MDGA2: variants seen among roughly 807,000 people sequenced by gnomAD.
MDGA2 encodes the protein MAM domain containing glycosylphosphatidylinositol anchor 2.
Under a neutral mutation model 117.8 loss-of-function variants are expected in MDGA2, and 40 were observed. That is an observed-to-expected ratio of 0.34 (90% CI 0.26 to 0.44). The LOEUF is 0.44. Ranked by LOEUF, MDGA2 falls within the 20% of genes least tolerant of loss-of-function variation. MDGA2 has a pLI of 1.00. For synonymous variants in MDGA2, 452 were observed against 439.0 expected (o/e 1.03, Z -0.37); for missense variants, 1,123 against 1,250.6 (o/e 0.90, Z 1.54).
At chr14:47,130,209 G>A (rs1401873429) in intron 5 of MDGA2, among the ~76,000 whole-genome samples, 1 of 151,838 alleles carries the variant, frequency 6.6e-6, no homozygotes, top group East Asian at 1.9e-4. Flanking sequence ...TTTCTTCTAG[G>A]GTTTTTATGG....
At chr14:47,642,986 A>G (rs1897457470) in intron 1 of MDGA2, among the ~76,000 whole-genome samples, 1 of 152,094 alleles carries the variant, frequency 6.6e-6, no homozygotes, top group Non-Finnish European at 1.5e-5. Context: ...AAGGATAACA[A>G]CAGAGTATTT....
intron 1 of MDGA2, among the ~76,000 whole-genome samples, chr14:47,481,315 G>C (rs1283468401): frequency 1.3e-5 from 2 of 152,000 alleles, no homozygotes; most frequent in Non-Finnish European, 2.9e-5. Context: ...TAGACTATCA[G>C]AGTTTTGTTT....
intron 14 of MDGA2, among the ~76,000 whole-genome samples, chr14:46,869,942 G>A (rs1034649516): frequency 6.6e-6 from 1 of 151,862 alleles, no homozygotes; most frequent in Non-Finnish European, 1.5e-5. Flanking sequence ...AATCAAGCAA[G>A]TGGGCTTGGA....
intron 1 of MDGA2, among the ~76,000 whole-genome samples, chr14:47,423,303 AC>A (rs1234838488): frequency 6.6e-6 from 1 of 152,200 alleles, no homozygotes; most frequent in African/African-American, 2.4e-5. Flanking sequence ...CTGTGAGTTA[AC>A]TTTTTTCCTC....
At chr14:47,186,912 T>C (rs1332274827) in intron 3 of MDGA2, among the ~76,000 whole-genome samples, 1 of 152,008 alleles carries the variant, frequency 6.6e-6, no homozygotes, top group African/African-American at 2.4e-5. Context: ...CTTGTTTTGC[T>C]ATGAGTTTAT....
chr14:47,125,076 A>G (rs1881832901), intron 5 of MDGA2, among the ~76,000 whole-genome samples: 1 of 152,176 alleles, frequency 6.6e-6, no homozygotes, highest in South Asian at 2.1e-4. Context: ...CTAGATTCTA[A>G]TAAATGATTC....
chr14:47,558,779 A>G (rs1269893610), intron 1 of MDGA2, among the ~76,000 whole-genome samples: 1 of 152,216 alleles, frequency 6.6e-6, no homozygotes, highest in African/African-American at 2.4e-5. Context: ...GACAATTATA[A>G]TAAAATCTTG....
At chr14:47,249,949 A>G (rs142845830) in intron 2 of MDGA2, among the ~76,000 whole-genome samples, 36 of 152,328 alleles carry the variant, frequency 2.4e-4, no homozygotes, top group African/African-American at 8.4e-4. Flanking sequence ...CCCTCACACT[A>G]TTGAAAAGCT....
At chr14:47,477,060 G>A (rs1233006008) in intron 1 of MDGA2, among the ~76,000 whole-genome samples, 1 of 152,214 alleles carries the variant, frequency 6.6e-6, no homozygotes, top group African/African-American at 2.4e-5. Context: ...TACTGGGGAG[G>A]TTGAGGCAGG....
At chr14:47,029,801 T>C (rs1211523999) in intron 8 of MDGA2, among the ~76,000 whole-genome samples, 3 of 152,072 alleles carry the variant, frequency 2.0e-5, no homozygotes, top group Admixed American at 2.0e-4. Flanking sequence ...AGGAAGACAA[T>C]AAGCATATCC....
chr14:47,050,082 T>C (rs1889402656), intron 7 of MDGA2, among the ~76,000 whole-genome samples: 1 of 151,890 alleles, frequency 6.6e-6, no homozygotes, highest in Admixed American at 6.6e-5. Flanking sequence ...TTTCTCAGAG[T>C]GTATCTCTGG....
chr14:47,382,480 T>A (rs1052092170), intron 1 of MDGA2, among the ~76,000 whole-genome samples: 2 of 152,166 alleles, frequency 1.3e-5, no homozygotes, highest in Non-Finnish European at 2.9e-5. Flanking sequence ...ATATCCAGAA[T>A]CTACAAATGA....
intron 8 of MDGA2, among the ~76,000 whole-genome samples, chr14:46,968,577 T>C (rs1886128828): frequency 6.6e-6 from 1 of 152,112 alleles, no homozygotes; most frequent in Non-Finnish European, 1.5e-5. Flanking sequence ...CTCACACCTG[T>C]AATCCCGGCA....
intron 8 of MDGA2, among the ~76,000 whole-genome samples, chr14:46,994,514 A>C (rs200376220): frequency 6.7e-6 from 1 of 149,982 alleles, no homozygotes; most frequent in South Asian, 2.1e-4. Context: ...CACACATACA[A>C]ACACACACAC....
At chr14:47,121,267 A>G (rs1055542931) in intron 5 of MDGA2, among the ~76,000 whole-genome samples, 26 of 152,142 alleles carry the variant, frequency 1.7e-4, no homozygotes, top group Admixed American at 6.5e-5. Flanking sequence ...TTCAGACACA[A>G]TAAGAACATG....
chr14:47,631,543 C>T (rs892792022), intron 1 of MDGA2, among the ~76,000 whole-genome samples: 4 of 152,200 alleles, frequency 2.6e-5, no homozygotes, highest in African/African-American at 4.8e-5. Context: ...TAACGGATGA[C>T]AATATTTCCT....
intron 1 of MDGA2, among the ~76,000 whole-genome samples, chr14:47,593,454 A>G (rs1432600558): frequency 2.0e-5 from 3 of 152,178 alleles, no homozygotes; most frequent in Non-Finnish European, 4.4e-5. Flanking sequence ...CGCTATTCAC[A>G]TTAACAAGGA....
chr14:46,940,636 A>AAAG (rs1304264263), intron 9 of MDGA2, among the ~76,000 whole-genome samples: 2 of 151,920 alleles, frequency 1.3e-5, no homozygotes, highest in Admixed American at 1.3e-4. Flanking sequence ...AAAAAAAAAA[A>AAAG]AAAGTTGAAC....
intron 2 of MDGA2, among the ~76,000 whole-genome samples, chr14:47,282,962 AATAACATAC>A (rs1451026293): frequency 6.6e-6 from 1 of 152,082 alleles, no homozygotes; most frequent in Non-Finnish European, 1.5e-5. Context: ...TAAATAAATA[AATAACATAC>A]ATTTTTTAAA....
Sources: gnomAD v4.1 joint callset for allele counts (sites outside exome capture counted in the v4.1 genomes callset) on GRCh38, gnomAD v4.1.1 for gene constraint, MANE v1.5 for transcripts, NCBI Gene and HGNC (gene_info 2026-07-23, HGNC 2026-07-21) for gene names.